The following TUSC3 variants were observed in gnomAD, a reference collection of about 807,000 sequenced individuals.
The protein encoded by TUSC3 is dolichyl-diphosphooligosaccharide--protein glycosyltransferase subunit TUSC3.
In TUSC3, 45 loss-of-function variants were observed where a neutral mutation model predicts 44.8. The observed-to-expected ratio is 1.00, with a 90% CI of 0.79 to 1.29. The LOEUF (loss-of-function observed/expected upper bound fraction) is 1.29. Among genes scored for constraint, TUSC3 ranks in the 50% most tolerant of loss-of-function variants. The pLI, the probability that TUSC3 is intolerant of heterozygous loss-of-function variation, is 0.00. For missense variants in TUSC3, 519 were observed against 437.9 expected (o/e 1.19, Z -1.65); for synonymous variants, 212 against 152.9 (o/e 1.39, Z -2.85).
chr8:15,789,448 C>T, the TUSC3 span, among the ~76,000 whole-genome samples: 4 of 152,022 alleles, frequency 2.6e-5, no homozygotes, highest in African/African-American at 9.7e-5. Flanking sequence ...CATTTATCAG[C>T]CAGTCTTAAG....
intron 1 of TUSC3, among the ~76,000 whole-genome samples, chr8:15,445,075 CA>C: frequency 6.6e-6 from 1 of 152,130 alleles, no homozygotes; most frequent in East Asian, 1.9e-4. Flanking sequence ...TTATTAGAAA[CA>C]AAAAATTTGA....
At chr8:15,547,464 C>T (rs549424489) in intron 1 of TUSC3, among the ~76,000 whole-genome samples, 3 of 151,450 alleles carry the variant, frequency 2.0e-5, no homozygotes, top group South Asian at 4.2e-4. Context: ...GAATGAAATA[C>T]CTTAGTATAA....
intron 2 of TUSC3, among the ~76,000 whole-genome samples, chr8:15,643,753 G>C (rs2129172714): frequency 6.6e-6 from 1 of 152,282 alleles, no homozygotes; most frequent in Admixed American, 6.5e-5. Flanking sequence ...GCTGGGCCCT[G>C]ATATGTATAG....
At chr8:15,819,678 A>C in the TUSC3 span, among the ~76,000 whole-genome samples, 1 of 152,218 alleles carries the variant, frequency 6.6e-6, no homozygotes, top group East Asian at 1.9e-4. Flanking sequence ...AAAGTTAATG[A>C]AACTTTCATT....
At chr8:15,421,638 T>C (rs1233648467) in intron 1 of TUSC3, among the ~76,000 whole-genome samples, 1 of 152,108 alleles carries the variant, frequency 6.6e-6, no homozygotes, top group Non-Finnish European at 1.5e-5. Flanking sequence ...GAAGGGAATT[T>C]TTGCGTTTTG....
At chr8:15,568,201 A>C (rs1802746683) in intron 1 of TUSC3, among the ~76,000 whole-genome samples, 1 of 152,170 alleles carries the variant, frequency 6.6e-6, no homozygotes, top group Non-Finnish European at 1.5e-5. Flanking sequence ...TCACTTGGGC[A>C]CGAAAAAGTG....
intron 5 of TUSC3, among the ~76,000 whole-genome samples, chr8:15,668,341 A>G (rs1807773202): frequency 6.6e-6 from 1 of 151,652 alleles, no homozygotes; most frequent in Non-Finnish European, 1.5e-5. Flanking sequence ...TCACATATTG[A>G]TCAGTCTTAG....
At chr8:15,628,966 A>G (rs1408129108) in intron 2 of TUSC3, among the ~76,000 whole-genome samples, 1 of 152,226 alleles carries the variant, frequency 6.6e-6, no homozygotes, top group East Asian at 1.9e-4. Flanking sequence ...GAAAGTTGAC[A>G]AACTGGTTGT....
chr8:15,839,037 G>A, the TUSC3 span, among the ~76,000 whole-genome samples: 1 of 152,046 alleles, frequency 6.6e-6, no homozygotes, highest in Non-Finnish European at 1.5e-5. Flanking sequence ...ATTTCACTGA[G>A]CAGTGGTTTG....
At chr8:15,446,385 G>A (rs1321522111) in intron 1 of TUSC3, among the ~76,000 whole-genome samples, 1 of 152,098 alleles carries the variant, frequency 6.6e-6, no homozygotes, top group Non-Finnish European at 1.5e-5. Context: ...GTGGCTGGGA[G>A]GTGGAGGTTG....
intron 1 of TUSC3, among the ~76,000 whole-genome samples, chr8:15,428,451 G>C (rs925139249): frequency 1.3e-5 from 2 of 151,952 alleles, no homozygotes; most frequent in African/African-American, 4.8e-5. Flanking sequence ...TGTCTTTATA[G>C]CAGCATGATT....
the TUSC3 span, among the ~76,000 whole-genome samples, chr8:15,836,824 T>C: frequency 6.6e-6 from 1 of 152,204 alleles, no homozygotes; most frequent in Non-Finnish European, 1.5e-5. Context: ...TAAAAATGGA[T>C]AAACTTGCAG....
At chr8:15,611,821 A>C (rs1024100962) in intron 1 of TUSC3, among the ~76,000 whole-genome samples, 1 of 152,160 alleles carries the variant, frequency 6.6e-6, no homozygotes, top group Non-Finnish European at 1.5e-5. Flanking sequence ...ATATATTTTT[A>C]AATCTGTTAA....
chr8:15,827,902 C>T, the TUSC3 span, among the ~76,000 whole-genome samples: 1 of 151,796 alleles, frequency 6.6e-6, no homozygotes, highest in African/African-American at 2.4e-5. Context: ...TTTTGCGGGG[C>T]CAGAGGTGAA....
intron 2 of TUSC3, among the ~76,000 whole-genome samples, chr8:15,528,500 A>G (rs1801406517): frequency 6.6e-6 from 1 of 152,218 alleles, no homozygotes; most frequent in Admixed American, 6.5e-5. Context: ...GAGAACCACA[A>G]CTTCAAATAT....
intron 2 of TUSC3, among the ~76,000 whole-genome samples, chr8:15,488,209 T>C (rs907382828): frequency 1.3e-5 from 2 of 152,052 alleles, no homozygotes; most frequent in African/African-American, 4.8e-5. Flanking sequence ...TATTTATCTC[T>C]AAAGTGTTTT....
the TUSC3 span, among the ~76,000 whole-genome samples, chr8:15,788,071 C>A: frequency 6.6e-6 from 1 of 152,136 alleles, no homozygotes; most frequent in Admixed American, 6.5e-5. Flanking sequence ...CCTCTGTAGT[C>A]CTTCCTTTCA....
chr8:15,736,663 T>G (rs977693471), intron 7 of TUSC3, among the ~76,000 whole-genome samples: 11 of 152,200 alleles, frequency 7.2e-5, no homozygotes, highest in Admixed American at 2.0e-4. Flanking sequence ...CATCTTCATT[T>G]CACATTTAGA....
At chr8:15,653,710 A>G (rs1807021051) in intron 3 of TUSC3, among the ~76,000 whole-genome samples, 1 of 152,216 alleles carries the variant, frequency 6.6e-6, no homozygotes, top group Admixed American at 6.5e-5. Context: ...AGGAATTTTA[A>G]TCTACAGAAG....
Sources: allele counts gnomAD v4.1 joint callset (sites outside exome capture counted in the v4.1 genomes callset), GRCh38; gene constraint gnomAD v4.1.1; transcripts MANE v1.5; gene names NCBI Gene and HGNC (gene_info 2026-07-23, HGNC 2026-07-21).